The following GRIK2 variants were observed in gnomAD, a reference collection of about 807,000 sequenced individuals.
GRIK2 encodes glutamate ionotropic receptor kainate type subunit 2.
Under a neutral mutation model 100.3 loss-of-function variants are expected in GRIK2, and 32 were observed. The observed-to-expected ratio is 0.32, with a 90% CI of 0.24 to 0.43. The LOEUF (loss-of-function observed/expected upper bound fraction) is 0.43. Ranked by LOEUF, GRIK2 falls within the 20% of genes least tolerant of loss-of-function variation. The pLI is 1.00. For synonymous variants in GRIK2, 417 were observed against 389.4 expected (o/e 1.07, Z -0.83); for missense variants, 843 against 1,114.9 (o/e 0.76, Z 3.47).
chr6:101,528,314 A>G (rs1400521440), intron 2 of GRIK2, among the ~76,000 whole-genome samples: 2 of 152,170 alleles, frequency 1.3e-5, no homozygotes, highest in African/African-American at 4.8e-5. Context: ...ATTATATAAC[A>G]CCCACTATAG....
At chr6:101,475,781 A>G (rs1197536457) in intron 2 of GRIK2, among the ~76,000 whole-genome samples, 1 of 152,046 alleles carries the variant, frequency 6.6e-6, no homozygotes, top group Non-Finnish European at 1.5e-5. Context: ...AAATCTAAAA[A>G]AGGCGATATT....
chr6:101,640,874 A>T (rs561989803), intron 4 of GRIK2, among the ~76,000 whole-genome samples: 1 of 152,292 alleles, frequency 6.6e-6, no homozygotes, highest in African/African-American at 2.4e-5. Context: ...ACATTAAGTC[A>T]AACTTATCAA....
intron 2 of GRIK2, among the ~76,000 whole-genome samples, chr6:101,488,063 T>A (rs1284240155): frequency 6.8e-6 from 1 of 146,426 alleles, no homozygotes; most frequent in Non-Finnish European, 1.5e-5. Flanking sequence ...ATTTGAAAAT[T>A]GAATATAAAA....
chr6:102,065,837 C>G (rs1010556744), intron 16 of GRIK2: 2 of 1,501,264 alleles, frequency 1.3e-6, no homozygotes, highest in Non-Finnish European at 1.8e-6. Flanking sequence ...GTATTCCTCC[C>G]TATTTTGGAG....
chr6:101,914,031 T>A (rs1332882221), intron 12 of GRIK2, among the ~76,000 whole-genome samples: 1 of 151,346 alleles, frequency 6.6e-6, no homozygotes, highest in African/African-American at 2.4e-5. Flanking sequence ...AAAAGAGATA[T>A]AGGTGAGAGA....
At chr6:101,853,425 C>T (rs1314325382) in intron 10 of GRIK2, among the ~76,000 whole-genome samples, 2 of 152,126 alleles carry the variant, frequency 1.3e-5, no homozygotes, top group East Asian at 3.9e-4. Context: ...AAATCCAGAA[C>T]ACTGACAACA....
At chr6:101,808,360 A>C (rs1055994718) in intron 9 of GRIK2, among the ~76,000 whole-genome samples, 1 of 152,086 alleles carries the variant, frequency 6.6e-6, no homozygotes, top group Non-Finnish European at 1.5e-5. Flanking sequence ...AGAATTTCCT[A>C]TAGGAAACTG....
At chr6:101,703,944 ATGAAG>A (rs1309218341) in intron 7 of GRIK2, among the ~76,000 whole-genome samples, 1 of 151,752 alleles carries the variant, frequency 6.6e-6, no homozygotes, top group African/African-American at 2.4e-5. Context: ...TTAGTGAAAA[ATGAAG>A]TGAGTATACC....
intron 14 of GRIK2, among the ~76,000 whole-genome samples, chr6:101,938,314 A>G (rs1790735727): frequency 6.6e-6 from 1 of 152,116 alleles, no homozygotes; most frequent in Admixed American, 6.6e-5. Context: ...CATATTTGCA[A>G]GGATGAAGCA....
chr6:101,405,380 A>C (rs184400375), intron 2 of GRIK2, among the ~76,000 whole-genome samples: 1,643 of 152,258 alleles, frequency 0.011, 37 homozygotes, highest in African/African-American at 0.038. Context: ...ATTTGAAAAA[A>C]AAAAGGCATT....
chr6:101,819,617 T>C (rs1272516603), intron 10 of GRIK2, among the ~76,000 whole-genome samples: 2 of 152,260 alleles, frequency 1.3e-5, no homozygotes, highest in Non-Finnish European at 2.9e-5. Flanking sequence ...ATAACTCCCA[T>C]ACCCACCAAC....
At chr6:101,608,571 A>T (rs576376674) in intron 2 of GRIK2, among the ~76,000 whole-genome samples, 121 of 152,018 alleles carry the variant, frequency 8.0e-4, no homozygotes, top group Non-Finnish European at 1.3e-3. Flanking sequence ...TATTAATGCA[A>T]AAAACACTTA....
rs772959515 is a variant in GRIK2, at chr6:101,621,945, C to A, written c.116-4C>A. The A allele has an allele frequency of 4.3e-5, 68 of 1,586,336 alleles. No homozygotes were observed. The highest frequency in any genetic ancestry group is 5.6e-5 in the Non-Finnish European group (65 of 1,157,366). On this transcript the variant is annotated splice_region_variant and splice_polypyrimidine_tract_variant and intron_variant, in intron 2 of 16. Coordinates refer to ENST00000369134, the MANE Select transcript of GRIK2 (RefSeq NM_021956.5). ...TTTATGATTTTTCTCTTTCTTTTTG[C>A]CAGGTGGTATTTTTGAATATGTGGA...
At chr6:101,856,753 T>A (rs1482949016) in intron 10 of GRIK2, among the ~76,000 whole-genome samples, 1 of 151,792 alleles carries the variant, frequency 6.6e-6, no homozygotes, top group East Asian at 1.9e-4. Context: ...GTTGGATGAG[T>A]GGGTTGTTAG....
At chr6:101,579,983 G>A (rs760454298) in intron 2 of GRIK2, among the ~76,000 whole-genome samples, 1 of 150,928 alleles carries the variant, frequency 6.6e-6, no homozygotes, top group Non-Finnish European at 1.5e-5. Context: ...ATCCTCCTTT[G>A]GGAGTCTTCC....
chr6:101,903,636 C>T (rs1381365693), intron 12 of GRIK2, among the ~76,000 whole-genome samples: 1 of 151,598 alleles, frequency 6.6e-6, no homozygotes, highest in Non-Finnish European at 1.5e-5. Flanking sequence ...GTGTAAGAAA[C>T]ATGAATCATT....
At chr6:101,843,823 T>C (rs1452325840) in intron 10 of GRIK2, among the ~76,000 whole-genome samples, 2 of 152,196 alleles carry the variant, frequency 1.3e-5, no homozygotes, top group African/African-American at 4.8e-5. Flanking sequence ...AAAATTTAAG[T>C]TTATTTTAAT....
intron 2 of GRIK2, among the ~76,000 whole-genome samples, chr6:101,416,040 C>T (rs1297309221): frequency 6.6e-6 from 1 of 152,150 alleles, no homozygotes; most frequent in Admixed American, 6.5e-5. Context: ...ACAGAAAGTA[C>T]TTGATTTCTG....
At chr6:101,576,195 A>G (rs1386413776) in intron 2 of GRIK2, among the ~76,000 whole-genome samples, 1 of 151,994 alleles carries the variant, frequency 6.6e-6, no homozygotes, top group Non-Finnish European at 1.5e-5. Flanking sequence ...ACTGATAAGG[A>G]AGGAAAAACA....
Sources: gnomAD v4.1 joint callset for allele counts (sites outside exome capture counted in the v4.1 genomes callset) on GRCh38, gnomAD v4.1.1 for gene constraint, MANE v1.5 for transcripts, NCBI Gene and HGNC (gene_info 2026-07-23, HGNC 2026-07-21) for gene names.